BLTP1: variants seen among roughly 807,000 people sequenced by gnomAD.
The protein encoded by BLTP1 is fragile site-associated protein.
the BLTP1 span, chr4:122,209,204 A>G: frequency 2.5e-6 from 4 of 1,613,122 alleles, no homozygotes; most frequent in Admixed American, 1.7e-5. Flanking sequence ...CTGCCACCCT[A>G]GTAAATATTC....
At chr4:122,328,269 A>C in the BLTP1 span, 1 of 1,611,140 alleles carries the variant, frequency 6.2e-7, no homozygotes, top group Non-Finnish European at 8.5e-7. Context: ...ACGGGATGAC[A>C]GTTTGTCTTC....
At chr4:122,309,358 T>G in the BLTP1 span, 1 of 1,613,606 alleles carries the variant, frequency 6.2e-7, no homozygotes. Flanking sequence ...AGTCTCTGGT[T>G]AGCAAAGGGC....
At chr4:122,321,473 T>C in the BLTP1 span, among the ~76,000 whole-genome samples, 1 of 133,036 alleles carries the variant, frequency 7.5e-6, no homozygotes, top group Non-Finnish European at 1.6e-5. Flanking sequence ...TGTGCACATA[T>C]ACATGCGATT....
At chr4:122,328,893 C>T in the BLTP1 span, 2 of 295,014 alleles carry the variant, frequency 6.8e-6, no homozygotes, top group African/African-American at 2.3e-5. Context: ...TCTATTTAAA[C>T]CGCCCTCAAG....
chr4:122,359,471 T>C, the BLTP1 span: 1 of 1,514,028 alleles, frequency 6.6e-7, no homozygotes, highest in Non-Finnish European at 8.9e-7. Context: ...AGGTCATAGA[T>C]AAAATGAGAA....
the BLTP1 span, chr4:122,304,715 C>A: frequency 6.5e-7 from 1 of 1,540,358 alleles, no homozygotes; most frequent in South Asian, 1.3e-5. Flanking sequence ...TTTTATTTAT[C>A]ATATACTGAA....
At chr4:122,238,100 A>G in the BLTP1 span, 1 of 1,613,934 alleles carries the variant, frequency 6.2e-7, no homozygotes, top group Non-Finnish European at 8.5e-7. Flanking sequence ...AGGTAATGTG[A>G]ATGGCATGAA....
the BLTP1 span, chr4:122,199,304 T>C: frequency 6.3e-7 from 1 of 1,592,980 alleles, no homozygotes; most frequent in South Asian, 1.1e-5. Context: ...AGTCCAAAGA[T>C]GTTTCATTTT....
At chr4:122,215,333 AATG>A in the BLTP1 span, 1 of 955,580 alleles carries the variant, frequency 1.0e-6, no homozygotes, top group Non-Finnish European at 1.2e-6. Flanking sequence ...TAAGATTTAC[AATG>A]ATAACAGACT....
the BLTP1 span, chr4:122,349,938 A>G: frequency 6.2e-7 from 1 of 1,613,924 alleles, no homozygotes; most frequent in African/African-American, 1.3e-5. This position sits in a 1 kb window ranked among gnomAD's most constrained non-coding sequence, Gnocchi z 4.5. Context: ...ATCTGATAAA[A>G]ATAGGAATGA....
the BLTP1 span, among the ~76,000 whole-genome samples, chr4:122,295,414 C>T: frequency 1.3e-5 from 2 of 152,106 alleles, no homozygotes; most frequent in African/African-American, 2.4e-5. Flanking sequence ...TAGCAGACCT[C>T]TCAGTGGAAA....
the BLTP1 span, among the ~76,000 whole-genome samples, chr4:122,262,180 GTGTGTGTA>G: frequency 4.0e-5 from 6 of 150,900 alleles, no homozygotes; most frequent in East Asian, 7.8e-4. Flanking sequence ...GTGTGTGTGT[GTGTGTGTA>G]TAGTAAGTTT....
the BLTP1 span, chr4:122,175,293 A>G: frequency 3.1e-6 from 3 of 981,912 alleles, no homozygotes; most frequent in Non-Finnish European, 3.6e-6. Context: ...TTATTTCCCA[A>G]TCAAAAGTGA....
chr4:122,308,974 T>C, the BLTP1 span, among the ~76,000 whole-genome samples: 3 of 151,986 alleles, frequency 2.0e-5, no homozygotes, highest in African/African-American at 4.8e-5. Flanking sequence ...AGGAAGGCCA[T>C]AAACACCACA....
At chr4:122,200,472 C>G in the BLTP1 span, 2 of 666,532 alleles carry the variant, frequency 3.0e-6, no homozygotes, top group Middle Eastern at 7.4e-4. Context: ...CCCAGCTACT[C>G]TGGAGGCTGA....
chr4:122,261,191 G>T, the BLTP1 span: 4 of 567,020 alleles, frequency 7.1e-6, no homozygotes, highest in Non-Finnish European at 8.9e-6. Context: ...ACTTTAAAAA[G>T]AAGACTGAAC....
At chr4:122,255,017 G>A in the BLTP1 span, 2 of 1,503,340 alleles carry the variant, frequency 1.3e-6, no homozygotes, top group Non-Finnish European at 1.8e-6. Context: ...ACCCCTTATT[G>A]TTAATCATTA....
chr4:122,171,896 A>G, the BLTP1 span: 2,609 of 985,268 alleles, frequency 2.6e-3, 61 homozygotes, highest in African/African-American at 0.043. Flanking sequence ...TGAAAAGACT[A>G]CGATTCCTGG....
the BLTP1 span, among the ~76,000 whole-genome samples, chr4:122,311,287 T>G: frequency 9.9e-5 from 15 of 152,162 alleles, no homozygotes; most frequent in Non-Finnish European, 2.2e-4. Flanking sequence ...CTGGTAATCA[T>G]GATACTCAGA....
Sources: allele counts gnomAD v4.1 joint callset (sites outside exome capture counted in the v4.1 genomes callset), GRCh38; gene constraint gnomAD v4.1.1; non-coding constraint Gnocchi (gnomAD v3.1); transcripts MANE v1.5; gene names NCBI Gene and HGNC (gene_info 2026-07-23, HGNC 2026-07-21).